Variants in SUGCT observed in about 807,000 individuals in gnomAD.
SUGCT encodes the protein succinyl-CoA:glutarate-CoA transferase.
In SUGCT, 41 loss-of-function variants were observed where a neutral mutation model predicts 55.0. The ratio of observed to expected loss-of-function variants is 0.74; its 90% confidence interval spans 0.58 to 0.97. SUGCT has a LOEUF of 0.97. Ranked by LOEUF, SUGCT falls within the 50% of genes least tolerant of loss-of-function variation. The pLI, the probability that SUGCT is intolerant of heterozygous loss-of-function variation, is 0.00. For synonymous variants in SUGCT, 187 were observed against 200.4 expected, an observed-to-expected ratio of 0.93 and a Z score of 0.56; for missense variants, 568 against 547.8, an observed-to-expected ratio of 1.04 and a Z score of -0.37.
At chr7:40,971,530 C>T in the SUGCT span, among the ~76,000 whole-genome samples, 2 of 152,146 alleles carry the variant, frequency 1.3e-5, no homozygotes, top group Non-Finnish European at 2.9e-5. Context: ...GGGGTTTATG[C>T]AGAGGTTAGT....
chr7:40,227,274 C>T (rs946729617), intron 6 of SUGCT, among the ~76,000 whole-genome samples: 1 of 151,930 alleles, frequency 6.6e-6, no homozygotes, highest in Non-Finnish European at 1.5e-5. Context: ...GTCTGGAACT[C>T]CTGACCTCAA....
intron 9 of SUGCT, among the ~76,000 whole-genome samples, chr7:40,428,917 C>CT (rs1342915043): frequency 6.6e-6 from 1 of 152,180 alleles, no homozygotes; most frequent in Admixed American, 6.5e-5. Flanking sequence ...GAGGATACCT[C>CT]TTGTAACGCA....
chr7:40,945,370 G>A, the SUGCT span, among the ~76,000 whole-genome samples: 2 of 152,154 alleles, frequency 1.3e-5, no homozygotes, highest in Non-Finnish European at 2.9e-5. Flanking sequence ...GATGTTTCAT[G>A]TACAGAGGGA....
At chr7:40,345,950 T>C (rs1482069671) in intron 9 of SUGCT, among the ~76,000 whole-genome samples, 1 of 151,808 alleles carries the variant, frequency 6.6e-6, no homozygotes, top group Admixed American at 6.6e-5. Context: ...CTTGTTTGTT[T>C]TTGTTTTTTT....
chr7:40,637,762 G>T (rs1407822266), intron 12 of SUGCT, among the ~76,000 whole-genome samples: 1 of 152,116 alleles, frequency 6.6e-6, no homozygotes, highest in African/African-American at 2.4e-5. Flanking sequence ...TTAACTAATT[G>T]GTTATTATGC....
chr7:40,956,047 T>A, the SUGCT span, among the ~76,000 whole-genome samples: 1 of 152,222 alleles, frequency 6.6e-6, no homozygotes, highest in Non-Finnish European at 1.5e-5. Flanking sequence ...TTATTGAGAA[T>A]TTTTGCATCG....
intron 12 of SUGCT, among the ~76,000 whole-genome samples, chr7:40,534,207 T>G (rs1174344940): frequency 6.6e-6 from 1 of 152,206 alleles, no homozygotes; most frequent in African/African-American, 2.4e-5. Context: ...GTCTATTGCC[T>G]GTAACTTACC....
At chr7:40,957,517 C>G in the SUGCT span, among the ~76,000 whole-genome samples, 48,106 of 130,432 alleles carry the variant, frequency 0.37, 8,640 homozygotes, top group Admixed American at 0.5. Flanking sequence ...CCTTTATTTT[C>G]AGCCTATGTG....
chr7:40,447,764 A>G (rs1400168194), intron 9 of SUGCT, among the ~76,000 whole-genome samples: 1 of 152,220 alleles, frequency 6.6e-6, no homozygotes, highest in African/African-American at 2.4e-5. Context: ...GGAGGTGATC[A>G]GCCCAGGAGT....
intron 13 of SUGCT, among the ~76,000 whole-genome samples, chr7:40,849,161 A>T (rs941053660): frequency 6.6e-6 from 1 of 152,202 alleles, no homozygotes; most frequent in Non-Finnish European, 1.5e-5. Context: ...AACATTTCAT[A>T]TATTATAAAA....
At chr7:40,602,409 C>G (rs544861378) in intron 12 of SUGCT, among the ~76,000 whole-genome samples, 2 of 152,136 alleles carry the variant, frequency 1.3e-5, no homozygotes, top group Non-Finnish European at 2.9e-5. Context: ...TACAGCCCTT[C>G]GTATTTATTG....
At chr7:40,746,197 T>C (rs1787723021) in intron 12 of SUGCT, among the ~76,000 whole-genome samples, 1 of 152,144 alleles carries the variant, frequency 6.6e-6, no homozygotes, top group Non-Finnish European at 1.5e-5. Flanking sequence ...TCAGACAGAC[T>C]TCCTGGGTTC....
At chr7:40,940,932 G>A in the SUGCT span, among the ~76,000 whole-genome samples, 1 of 152,016 alleles carries the variant, frequency 6.6e-6, no homozygotes, top group African/African-American at 2.4e-5. Context: ...GTGAAAGTGG[G>A]TATCCTTTTC....
In SUGCT at chr7:40,433,139, A is replaced by G. The variant is rs188003664; in HGVS notation, c.817-16148A>G. Among the ~76,000 whole-genome samples the G allele has an allele frequency of 5.9e-5, 9 of 152,214 alleles. No homozygotes were observed. The East Asian group carries it at 1.7e-3, about 29-fold the overall frequency. ...TTAGGGATTGTTTTCTTCAGGTCCA[A>G]AATGTCTGGTTCTTCATTATGTGTT... On this transcript the variant is annotated intron_variant, in intron 9 of 13. Coordinates refer to ENST00000335693, the MANE Select transcript of SUGCT (RefSeq NM_001193313.2).
chr7:40,780,377 A>T (rs981175972), intron 13 of SUGCT, among the ~76,000 whole-genome samples: 1 of 152,196 alleles, frequency 6.6e-6, no homozygotes, highest in African/African-American at 2.4e-5. Context: ...CTAAAGAGTG[A>T]TAGAAATTGT....
At chr7:40,325,585 T>C (rs1172297664) in intron 9 of SUGCT, among the ~76,000 whole-genome samples, 2 of 152,280 alleles carry the variant, frequency 1.3e-5, no homozygotes, top group East Asian at 1.9e-4. Flanking sequence ...TTTAAGGTTT[T>C]AAAACTTGTT....
chr7:40,663,186 TAAAG>T, intron 12 of SUGCT, among the ~76,000 whole-genome samples: 1 of 152,320 alleles, frequency 6.6e-6, no homozygotes, highest in South Asian at 2.1e-4. Context: ...TGAAGGTAAA[TAAAG>T]AATTGATCAG....
At chr7:40,209,545 C>G (rs1034842666) in intron 6 of SUGCT, among the ~76,000 whole-genome samples, 3 of 151,792 alleles carry the variant, frequency 2.0e-5, no homozygotes, top group Non-Finnish European at 4.4e-5. Flanking sequence ...GCCTGTAATC[C>G]CAGCACTTTG....
Position 40,828,395 on chromosome 7 carries a change from T to C in SUGCT, c.1154-31921T>C, listed in dbSNP as rs186328226. Among the ~76,000 whole-genome samples the C allele has an allele frequency of 8.5e-5, 13 of 152,122 alleles. No individual in the cohort carries two copies. The East Asian group carries it at 2.3e-3, about 27-fold the overall frequency. The stretch of plus-strand genomic sequence containing the variant: ...ATATTGTCACAACATTGAATGATCC[T>C]CTCCTTTCTCTCCAATAGCTTTGCA... On this transcript the variant is annotated intron_variant, in intron 13 of 13. Transcript: ENST00000335693.
Sources: gnomAD v4.1 joint callset for allele counts (sites outside exome capture counted in the v4.1 genomes callset) on GRCh38, gnomAD v4.1.1 for gene constraint, MANE v1.5 for transcripts, NCBI Gene and HGNC (gene_info 2026-07-23, HGNC 2026-07-21) for gene names.